C14orf39: variants seen among roughly 807,000 people sequenced by gnomAD.
The protein encoded by C14orf39 is chromosome 14 open reading frame 39.
In C14orf39, 66 loss-of-function variants were observed where a neutral mutation model predicts 85.6. That is an observed-to-expected ratio of 0.77 (90% CI 0.63 to 0.95). The LOEUF is 0.95. C14orf39 is among the 40% of genes least tolerant of loss of function. C14orf39 has a pLI of 0.00. For synonymous variants in C14orf39, 242 were observed against 214.0 expected (o/e 1.13, Z -1.14); for missense variants, 735 against 663.9 (o/e 1.11, Z -1.18).
intron 1 of C14orf39, among the ~76,000 whole-genome samples, chr14:60,501,825 C>T (rs1893154016): frequency 4.6e-5 from 7 of 152,152 alleles, no homozygotes; most frequent in Admixed American, 4.6e-4. Flanking sequence ...AGTGAGACAT[C>T]ATTAAGACAA....
At chr14:60,511,079 C>T in intron 1 of C14orf39, 5 of 1,612,458 alleles carry the variant, frequency 3.1e-6, no homozygotes, top group Non-Finnish European at 4.2e-6. Context: ...CTTTCTTCCC[C>T]GTAGACTCCA....
intron 1 of C14orf39, chr14:60,511,011 C>A: frequency 6.7e-7 from 1 of 1,482,820 alleles, no homozygotes; most frequent in Non-Finnish European, 9.3e-7. Context: ...TGGAGGGACG[C>A]AGGAGGTGGT....
Position 60,469,581 on chromosome 14 carries a change from C to G in C14orf39, c.627G>C (p.Leu209Phe), listed in dbSNP as rs1026507680. 6.6e-7 allele frequency: 1 copy of G among 1,516,440 alleles called. No individual in the cohort carries two copies. The highest frequency in any genetic ancestry group is 1.4e-5 in the African/African-American group (1 of 71,872). The allele number at this position is 1,516,440 out of a possible 1,614,324, so 93.9% of individuals were successfully genotyped here. The change falls in exon 8 of 18, where the codon TTG becomes TTC. Residue 209 changes from leucine (L) to phenylalanine (F), a missense_variant. Coordinates refer to ENST00000321731, the MANE Select transcript of C14orf39 (RefSeq NM_174978.3). Reference sequence around the variant, plus strand: ...TTTCCATTTCATCTACTTCTTTCTTCAATTCGGATGAACTTTTGGTAAGAT... The same window carrying G: ...TTTCCATTTCATCTACTTCTTTCTTGAATTCGGATGAACTTTTGGTAAGAT... ...ASNLTKSSSE[L>F]KKEVDEMEIE...
At chr14:60,475,994 A>G (rs899793518) in intron 5 of C14orf39, among the ~76,000 whole-genome samples, 3 of 152,272 alleles carry the variant, frequency 2.0e-5, no homozygotes, top group South Asian at 2.1e-4. Flanking sequence ...AACTGCACAC[A>G]TGAGAAGAAA....
intron 13 of C14orf39, among the ~76,000 whole-genome samples, chr14:60,459,335 T>C (rs1346990363): frequency 6.6e-6 from 1 of 151,730 alleles, no homozygotes; most frequent in Non-Finnish European, 1.5e-5. Context: ...AAAGATATTA[T>C]GAACATTCTT....
intron 2 of C14orf39, chr14:60,496,455 T>G: frequency 3.6e-6 from 1 of 277,844 alleles, no homozygotes; most frequent in Non-Finnish European, 7.3e-6. Context: ...GCATCCAGCT[T>G]CTCCTTTATG....
Position 60,468,472 on chromosome 14 carries a change from G to C in C14orf39, c.740C>G (p.Thr247Arg). The C allele has an allele frequency of 6.3e-7, 1 of 1,594,998 alleles. No individual in the cohort carries two copies. The highest frequency in any genetic ancestry group is 8.6e-7 in the Non-Finnish European group (1 of 1,169,134). Residue 247 changes from threonine to arginine, a missense_variant, in exon 9 of 18, where the codon ACA becomes AGA. Thr to Arg is a moderately conservative substitution (Grantham distance 71, BLOSUM62 -1). Coordinates refer to ENST00000321731, the MANE Select transcript of C14orf39 (RefSeq NM_174978.3). ...TTCTTTCAGTTCTTTTCTGTTTTCT[G>C]TATTTTTGTTCTTTTCTTCCAGAGT... Reference protein sequence around the residue: ...SETLEEKNKNTENRKELKERI... With the variant: ...SETLEEKNKNRENRKELKERI...
chr14:60,512,918 T>G (rs559812874), intron 1 of C14orf39: 1 of 152,392 alleles, frequency 6.6e-6, no homozygotes, highest in Admixed American at 6.5e-5. Context: ...TTTGCCTTTC[T>G]GTCCTTAGAA....
chr14:60,464,148 C>T (rs1178361658), intron 11 of C14orf39, among the ~76,000 whole-genome samples: 1 of 152,148 alleles, frequency 6.6e-6, no homozygotes, highest in East Asian at 1.9e-4. Context: ...TCCCCTTTTT[C>T]TTTCCTGCCT....
intron 2 of C14orf39, chr14:60,494,111 C>T: frequency 3.1e-6 from 1 of 318,000 alleles, no homozygotes. Flanking sequence ...ACTGGTTCCA[C>T]ACGACAGGGT....
intron 5 of C14orf39, among the ~76,000 whole-genome samples, chr14:60,473,878 C>A (rs1254754417): frequency 6.6e-6 from 1 of 152,126 alleles, no homozygotes; most frequent in African/African-American, 2.4e-5. Flanking sequence ...ATTGACTAGG[C>A]AATGCAGGCT....
At chr14:60,496,901 T>C (rs1393461658) in intron 2 of C14orf39, 3 of 152,280 alleles carry the variant, frequency 2.0e-5, no homozygotes, top group African/African-American at 7.2e-5. Context: ...AAGCACTGGG[T>C]GCTGGGGGGA....
rs1404182945 is a variant in C14orf39, at chr14:60,484,195, GAAATTTCTATTCAT to G, written c.107-392_107-379del. ...GAAGCCTTCTGTTTTTGACAAATGT[GAAATTTCTATTCAT>G]CAATTCTATGTCAATTATTAAACGC... On this transcript the variant is annotated intron_variant, in intron 3 of 17. Transcript: ENST00000321731. The surrounding 1 kb of genome is among the most constrained non-coding windows in gnomAD (Gnocchi z 4.2). 3.9e-5 allele frequency among the ~76,000 whole-genome samples: 6 copies of G among 152,136 alleles called. No homozygotes were observed. Among genetic ancestry groups the G allele is most frequent in the African/African-American group, 1.4e-4 (6 of 41,436 alleles).
chr14:60,515,285 G>A lies in C14orf39; in HGVS notation c.-144+110C>T, dbSNP rs1238983602. 1 of 151,854 alleles carries A rather than the reference G, an allele frequency of 6.6e-6. No homozygotes were observed. The highest frequency in any genetic ancestry group is 1.5e-5 in the Non-Finnish European group (1 of 67,916). The allele number at this position is 151,854 out of a possible 1,614,324, so 9.4% of individuals were successfully genotyped here. A position where few individuals can be genotyped will look rare whatever the true frequency, so the allele number is the denominator to read the frequency against. ...CGCTCCCAAAGAGAAGCCCAGACTG[G>A]GCCCACAGTACCCGGGAAGGTGAGT... is the stretch of plus-strand genomic sequence containing the variant. On this transcript the variant is annotated intron_variant, in intron 1 of 5. Coordinates refer to the C14orf39 transcript ENST00000556799. The surrounding 1 kb of genome is among the most constrained non-coding windows in gnomAD (Gnocchi z 6.2).
intron 14 of C14orf39, 101 bp downstream of exon 14, chr14:60,458,577 C>T: frequency 1.3e-6 from 1 of 766,252 alleles, no homozygotes; most frequent in South Asian, 2.0e-5. Flanking sequence ...AAGCTAACAA[C>T]ATCTCACATA....
chr14:60,468,794 A>G (rs555808426), intron 8 of C14orf39, among the ~76,000 whole-genome samples: 1 of 151,608 alleles, frequency 6.6e-6, no homozygotes, highest in Non-Finnish European at 1.5e-5. Context: ...ATTATAAGCA[A>G]AGTAGACATT....
chr14:60,478,044 T>C (rs1892468322), intron 5 of C14orf39, among the ~76,000 whole-genome samples: 1 of 151,780 alleles, frequency 6.6e-6, no homozygotes, highest in Non-Finnish European at 1.5e-5. Context: ...CCGGGTGCGG[T>C]GGCGGGCGCC....
At chr14:60,510,910 G>C (rs2140189288) in intron 1 of C14orf39, among the ~76,000 whole-genome samples, 1 of 152,360 alleles carries the variant, frequency 6.6e-6, no homozygotes, top group Admixed American at 6.5e-5. Flanking sequence ...GCGGAGGGGC[G>C]GCCGCGGACT....
At chr14:60,450,916 T>A (rs995573558) in intron 16 of C14orf39, among the ~76,000 whole-genome samples, 2 of 152,150 alleles carry the variant, frequency 1.3e-5, no homozygotes, top group African/African-American at 4.8e-5. Context: ...CCTCTCTGAG[T>A]CTGCAAACAG....
Sources: gnomAD v4.1 joint callset for allele counts (sites outside exome capture counted in the v4.1 genomes callset) on GRCh38, gnomAD v4.1.1 for gene constraint, Gnocchi (gnomAD v3.1) non-coding constraint, MANE v1.5 for transcripts, NCBI Gene and HGNC (gene_info 2026-07-23, HGNC 2026-07-21) for gene names.